The following RIMS2 variants were observed in gnomAD, a reference collection of about 807,000 sequenced individuals.
RIMS2 encodes regulating synaptic membrane exocytosis protein 2.
RIMS2 carries 59 observed loss-of-function variants against 174.4 expected under a neutral mutation model. The ratio of observed to expected loss-of-function variants is 0.34; its 90% CI spans 0.27 to 0.42. The LOEUF (loss-of-function observed/expected upper bound fraction) is 0.42. Ranked by LOEUF, RIMS2 falls within the 10% of genes least tolerant of loss-of-function variation. The pLI, the probability that RIMS2 is intolerant of heterozygous loss-of-function variation, is 1.00. For missense variants in RIMS2, 1,620 were observed against 1,666.3 expected (o/e 0.97, Z 0.48); for synonymous variants, 606 against 572.5 (o/e 1.06, Z -0.84).
chr8:103,876,774 GTTCCTTTTTGTGGCTGAGTAGT>G (rs1565058899), intron 3 of RIMS2, among the ~76,000 whole-genome samples: 1 of 147,998 alleles, frequency 6.8e-6, no homozygotes, highest in Admixed American at 6.9e-5. Context: ...CCATTATTAC[GTTCCTTTTTGTGGCTGAGTAGT>G]ATTCCATTGT....
At chr8:103,538,736 C>A (rs1250276736) in intron 1 of RIMS2, among the ~76,000 whole-genome samples, 1 of 152,138 alleles carries the variant, frequency 6.6e-6, no homozygotes, top group Non-Finnish European at 1.5e-5. Flanking sequence ...AGGGTGGTCT[C>A]AATCCCGTGA....
intron 15 of RIMS2, among the ~76,000 whole-genome samples, chr8:103,964,804 A>T (rs558651734): frequency 6.6e-6 from 1 of 152,092 alleles, no homozygotes; most frequent in Non-Finnish European, 1.5e-5. Flanking sequence ...TTTGCATTTT[A>T]TATTTACATA....
At chr8:104,028,533 A>G (rs2096308103) in intron 19 of RIMS2, among the ~76,000 whole-genome samples, 1 of 152,260 alleles carries the variant, frequency 6.6e-6, no homozygotes, top group Non-Finnish European at 1.5e-5. Flanking sequence ...ATTATGTTTT[A>G]AAAATAGATG....
intron 1 of RIMS2, among the ~76,000 whole-genome samples, chr8:103,601,708 T>G (rs2094751774): frequency 6.6e-6 from 1 of 152,128 alleles, no homozygotes; most frequent in Non-Finnish European, 1.5e-5. Context: ...GTTATTTATT[T>G]TCTGGTTGTT....
chr8:104,010,637 CA>C (rs903028504), intron 17 of RIMS2, among the ~76,000 whole-genome samples: 1 of 150,476 alleles, frequency 6.6e-6, no homozygotes, highest in Non-Finnish European at 1.5e-5. Flanking sequence ...AATTCAAGTA[CA>C]AAAAAAAGAA....
chr8:104,248,705 A>G (rs1425332983), exon 21 of RIMS2: 4 of 1,586,364 alleles, frequency 2.5e-6, no homozygotes, highest in Admixed American at 1.7e-5. Flanking sequence ...TTTCAGTCTG[A>G]TTTTCCCTGG....
At chr8:104,049,658 G>C (rs1566032959) in intron 19 of RIMS2, among the ~76,000 whole-genome samples, 2 of 151,956 alleles carry the variant, frequency 1.3e-5, no homozygotes, top group Non-Finnish European at 2.9e-5. Context: ...GTGTGTATGT[G>C]TGCATGTGTG....
intron 11 of RIMS2, among the ~76,000 whole-genome samples, chr8:103,928,429 C>A (rs1043296263): frequency 7.3e-5 from 11 of 151,386 alleles, no homozygotes; most frequent in African/African-American, 2.7e-4. Flanking sequence ...AAATTATAAT[C>A]CAAATAAAAT....
chr8:103,551,708 G>A (rs1193892363), intron 1 of RIMS2, among the ~76,000 whole-genome samples: 2 of 151,956 alleles, frequency 1.3e-5, no homozygotes, highest in African/African-American at 2.4e-5. Context: ...ACCCCATCGT[G>A]TCAGCCCCAA....
intron 17 of RIMS2, among the ~76,000 whole-genome samples, chr8:103,993,267 T>C (rs1056342842): frequency 1.3e-5 from 2 of 152,212 alleles, no homozygotes; most frequent in Admixed American, 1.3e-4. Context: ...ATACATTAGA[T>C]GCATTTATTT....
rs548599797 is a variant in RIMS2, at chr8:104,077,422, G to A, written c.3334+62807G>A. On this transcript the variant is annotated intron_variant, in intron 19 of 23. Coordinates refer to ENST00000504942, the Ensembl canonical transcript of RIMS2. ...TAAAAACAGGTGGGGAGAAAAGGAT[G>A]AAAAATTTAAAAAAATGATACTTTT... is the stretch of plus-strand genomic sequence containing the variant. Among the ~76,000 whole-genome samples, 425 of 151,360 alleles carry A rather than the reference G, an allele frequency of 2.8e-3. 2 individuals are homozygous for A. The highest frequency in any genetic ancestry group is 9.4e-3 in the African/African-American group (386 of 41,270).
chr8:104,097,781 A>T (rs542527506), intron 19 of RIMS2, among the ~76,000 whole-genome samples: 10 of 152,208 alleles, frequency 6.6e-5, no homozygotes, highest in South Asian at 4.1e-4. Context: ...GACATTTTAT[A>T]TCTTTTATTT....
intron 1 of RIMS2, among the ~76,000 whole-genome samples, chr8:103,666,973 T>G (rs920392991): frequency 6.6e-6 from 1 of 152,180 alleles, no homozygotes; most frequent in Admixed American, 6.5e-5. Flanking sequence ...GATGACTGTA[T>G]GCAAACATTT....
intron 1 of RIMS2, among the ~76,000 whole-genome samples, chr8:103,514,104 T>C (rs1343608176): frequency 1.3e-5 from 2 of 152,166 alleles, no homozygotes; most frequent in Non-Finnish European, 2.9e-5. Context: ...CAGGGATGGA[T>C]ACATAAATAG....
intron 7 of RIMS2, 99 bp downstream of exon 10, chr8:103,915,693 G>T: frequency 1.9e-6 from 1 of 522,482 alleles, no homozygotes; most frequent in South Asian, 4.3e-5. Context: ...ATAACAAAGA[G>T]CTCATTTAAC....
At chr8:104,224,742 C>T (rs1025526441) in intron 19 of RIMS2, among the ~76,000 whole-genome samples, 3 of 152,006 alleles carry the variant, frequency 2.0e-5, no homozygotes, top group Non-Finnish European at 4.4e-5. Context: ...AAGAAATTGC[C>T]CGTTCTAAAA....
At chr8:103,650,273 G>T (rs78334581) in intron 1 of RIMS2, among the ~76,000 whole-genome samples, 3 of 152,106 alleles carry the variant, frequency 2.0e-5, no homozygotes, top group African/African-American at 7.2e-5. Context: ...GTGAACCAGC[G>T]AAGATGGCAG....
intron 2 of RIMS2, among the ~76,000 whole-genome samples, chr8:103,742,489 G>A (rs34195802): frequency 0.12 from 18,865 of 152,010 alleles, 1,268 homozygotes; most frequent in Middle Eastern, 0.22. Flanking sequence ...ATATCTGTAA[G>A]GGTTTAATAC....
rs141702274 is a variant in RIMS2, at chr8:103,610,656, G to T, written c.177-86430G>T. On this transcript the variant is annotated intron_variant, in intron 1 of 23. Transcript: ENST00000504942. ...TGATTGATTTGCATTTGTATAGCCA[G>T]TCTTGCATCCCACGGCTAAAACCAA... 4.3e-3 allele frequency among the ~76,000 whole-genome samples: 654 copies of T among 152,314 alleles called. 4 individuals are homozygous for T. Among genetic ancestry groups the T allele is most frequent in the Non-Finnish European group, 7.2e-3 (488 of 68,012 alleles).
Sources: gnomAD v4.1 joint callset for allele counts (sites outside exome capture counted in the v4.1 genomes callset) on GRCh38, gnomAD v4.1.1 for gene constraint, MANE v1.5 for transcripts, NCBI Gene and HGNC (gene_info 2026-07-23, HGNC 2026-07-21) for gene names.